MYO10: variants seen among roughly 807,000 people sequenced by gnomAD.
MYO10 encodes the protein unconventional myosin-X.
Under a neutral mutation model 257.3 loss-of-function variants are expected in MYO10, and 133 were observed. The ratio of observed to expected loss-of-function variants is 0.52; its 90% CI spans 0.45 to 0.60. The LOEUF is 0.60. MYO10 is among the 20% of genes least tolerant of loss of function. The probability of loss-of-function intolerance (pLI) is 0.00; values close to 1 mark genes in which losing one functional copy is unlikely to be tolerated. For missense variants in MYO10, 2,399 were observed against 2,635.7 expected (o/e 0.91, Z 1.97); for synonymous variants, 1,104 against 1,028.6 (o/e 1.07, Z -1.40).
At chr5:16,854,830 G>A (rs753879215) in intron 2 of MYO10, among the ~76,000 whole-genome samples, 13 of 151,968 alleles carry the variant, frequency 8.6e-5, no homozygotes, top group Admixed American at 7.9e-4. Context: ...TCAGGAGTTC[G>A]AGACCAGCCT....
chr5:16,810,933 G>A (rs370021601), intron 3 of MYO10, among the ~76,000 whole-genome samples: 22 of 152,170 alleles, frequency 1.4e-4, no homozygotes, highest in African/African-American at 5.3e-4. Context: ...GCCGGGTGTG[G>A]TGGCGGATGC....
At position 16,868,413 on chromosome 5, in the gene MYO10, G is replaced by C. The variant is rs548941333; in HGVS notation, c.120+9196C>G. ...AGGTCAGGAGATCAAGACCATCCTG[G>C]CTAACACGGTGAAACCCCGCCTCTA... On this transcript the variant is annotated intron_variant, in intron 2 of 40. Transcript: ENST00000513610. Among the ~76,000 whole-genome samples, 137 of 152,244 alleles carry C rather than the reference G, an allele frequency of 9.0e-4. 1 individual carries two copies. Among genetic ancestry groups the C allele is most frequent in the South Asian group, 5.2e-3 (25 of 4,814 alleles).
rs78233892 is a variant in MYO10, at chr5:16,844,199, A to G, written c.121-26032T>C. Among the ~76,000 whole-genome samples, 21 of 152,306 alleles carry G rather than the reference A, an allele frequency of 1.4e-4. No homozygotes were observed. In the East Asian group the frequency reaches 3.9e-3, roughly 28 times the overall value. ...ATTCTCTCAAATCATATTACTAGATAATAATTTTCTTCCAAACTATTTTTA... is the reference window on the plus strand; with the variant it reads ...ATTCTCTCAAATCATATTACTAGATGATAATTTTCTTCCAAACTATTTTTA... On this transcript the variant is annotated intron_variant, in intron 2 of 40. Transcript: ENST00000513610.
At chr5:16,778,874 T>C (rs1425624984) in intron 9 of MYO10, among the ~76,000 whole-genome samples, 3 of 151,998 alleles carry the variant, frequency 2.0e-5, no homozygotes, top group African/African-American at 7.2e-5. Context: ...GTATTTTTAG[T>C]GGAGACGGGG....
chr5:16,923,812 A>G (rs13354237), intron 1 of MYO10, among the ~76,000 whole-genome samples: 72,346 of 151,716 alleles, frequency 0.48, 17,630 homozygotes, highest in African/African-American at 0.56. Context: ...AAAATTGGCC[A>G]AGTGCGATGG....
chr5:16,874,439 A>C (rs571748886), intron 2 of MYO10, among the ~76,000 whole-genome samples: 5 of 148,378 alleles, frequency 3.4e-5, no homozygotes, highest in Non-Finnish European at 5.9e-5. Context: ...AATGCCTTTA[A>C]CAGCCCCCAC....
chr5:16,700,708 T>C (rs1016208112), intron 25 of MYO10, among the ~76,000 whole-genome samples: 6 of 152,098 alleles, frequency 3.9e-5, no homozygotes, highest in Non-Finnish European at 8.8e-5. Flanking sequence ...AATAAATAAA[T>C]AGCCAGTTTT....
chr5:16,784,060 G>T (rs1482716098), intron 4 of MYO10, among the ~76,000 whole-genome samples: 1 of 152,186 alleles, frequency 6.6e-6, no homozygotes, highest in Non-Finnish European at 1.5e-5. Flanking sequence ...TCCTGCCAAG[G>T]TCACGTGTTA....
intron 19 of MYO10, among the ~76,000 whole-genome samples, chr5:16,744,877 G>T (rs528484985): frequency 6.6e-6 from 1 of 152,038 alleles, no homozygotes. Flanking sequence ...ATAAAATTAT[G>T]CTCAGAGGCT....
intron 19 of MYO10, among the ~76,000 whole-genome samples, chr5:16,740,299 T>C (rs78533840): frequency 0.017 from 2,560 of 151,922 alleles, 79 homozygotes; most frequent in African/African-American, 0.057. Flanking sequence ...AAAGCACACA[T>C]TGAGGGGGCT....
intron 1 of MYO10, among the ~76,000 whole-genome samples, chr5:16,932,011 A>G (rs958763664): frequency 8.5e-5 from 13 of 152,220 alleles, no homozygotes; most frequent in African/African-American, 3.1e-4. Context: ...AACCACAACC[A>G]CAGTCCCTTG....
chr5:16,909,934 C>T (rs774487030), intron 1 of MYO10, among the ~76,000 whole-genome samples: 5 of 152,076 alleles, frequency 3.3e-5, no homozygotes, highest in Non-Finnish European at 7.3e-5. Context: ...GATCTGCATA[C>T]GGAGACTCCT....
chr5:16,916,074 C>G (rs1580147239), intron 1 of MYO10: 1 of 456,084 alleles, frequency 2.2e-6, no homozygotes, highest in East Asian at 7.0e-5. Flanking sequence ...CGCTTGGTCC[C>G]GAGTGTTAAG....
At chr5:16,783,286 A>G in intron 5 of MYO10, 49 bp downstream of exon 5, 1 of 1,495,922 alleles carries the variant, frequency 6.7e-7, no homozygotes, top group South Asian at 1.3e-5. Context: ...AAGCCATACC[A>G]TAAGGAAAGT....
chr5:16,753,634 C>T (rs1740447309), intron 19 of MYO10, among the ~76,000 whole-genome samples: 1 of 151,636 alleles, frequency 6.6e-6, no homozygotes, highest in Non-Finnish European at 1.5e-5. Flanking sequence ...CCATGCCTAG[C>T]AAATTTCTGT....
intron 1 of MYO10, among the ~76,000 whole-genome samples, chr5:16,904,167 A>T (rs1049714250): frequency 5.3e-5 from 8 of 152,088 alleles, no homozygotes; most frequent in African/African-American, 1.9e-4. Context: ...AAAAGGACAG[A>T]GCTTCCGGAC....
At chr5:16,833,619 G>A (rs1743221904) in intron 2 of MYO10, among the ~76,000 whole-genome samples, 2 of 152,116 alleles carry the variant, frequency 1.3e-5, no homozygotes, top group East Asian at 3.8e-4. Context: ...CCCAAAACAG[G>A]ATTGACTAGA....
intron 1 of MYO10, among the ~76,000 whole-genome samples, chr5:16,923,382 G>T (rs1450706777): frequency 6.6e-6 from 1 of 151,714 alleles, no homozygotes; most frequent in Non-Finnish European, 1.5e-5. Context: ...CGCCTCCTGG[G>T]TTCATGCCAT....
intron 27 of MYO10, 92 bp from the exon 28 acceptor site, chr5:16,690,011 G>A (rs1737424662): frequency 3.2e-6 from 3 of 937,044 alleles, no homozygotes; most frequent in South Asian, 1.4e-5. Flanking sequence ...GACTAGAGTT[G>A]GGAACTGTCT....
Sources: gnomAD v4.1 joint callset for allele counts (sites outside exome capture counted in the v4.1 genomes callset) on GRCh38, gnomAD v4.1.1 for gene constraint, MANE v1.5 for transcripts, NCBI Gene and HGNC (gene_info 2026-07-23, HGNC 2026-07-21) for gene names.